Variants in DIAPH3 observed in about 807,000 individuals in gnomAD.
The protein encoded by DIAPH3 is diaphanous related formin 3.
A neutral mutation model predicts 144.3 loss-of-function variants in DIAPH3; 117 were observed. That is an observed-to-expected ratio of 0.81 (90% CI 0.70 to 0.95). The LOEUF (loss-of-function observed/expected upper bound fraction) is 0.95. Ranked by LOEUF, DIAPH3 falls within the 40% of genes least tolerant of loss-of-function variation. The pLI, the probability that DIAPH3 is intolerant of heterozygous loss-of-function variation, is 0.00. For missense variants in DIAPH3, 1,421 were observed against 1,412.7 expected (o/e 1.01, Z -0.09); for synonymous variants, 519 against 488.9 (o/e 1.06, Z -0.81).
At chr13:59,985,055 T>C (rs1158883257) in intron 12 of DIAPH3, among the ~76,000 whole-genome samples, 2 of 136,204 alleles carry the variant, frequency 1.5e-5, no homozygotes, top group South Asian at 5.3e-4. Flanking sequence ...TTGATGAACA[T>C]TGATGCAAAA....
At chr13:59,714,282 C>T (rs759852699) in intron 27 of DIAPH3, among the ~76,000 whole-genome samples, 1,608 of 146,870 alleles carry the variant, frequency 0.011, 8 homozygotes, top group Non-Finnish European at 0.019. Context: ...ATGGCGTGAA[C>T]CCGGGAGGCG....
At chr13:59,898,593 A>G (rs1389101407) in intron 20 of DIAPH3, among the ~76,000 whole-genome samples, 1 of 152,236 alleles carries the variant, frequency 6.6e-6, no homozygotes, top group Non-Finnish European at 1.5e-5. Flanking sequence ...TTATTCATTC[A>G]TCAATATTTA....
intron 21 of DIAPH3, among the ~76,000 whole-genome samples, chr13:59,861,976 A>G (rs2043619639): frequency 6.6e-6 from 1 of 152,236 alleles, no homozygotes; most frequent in Non-Finnish European, 1.5e-5. Flanking sequence ...TAAAAAATAT[A>G]CGTATTTGCC....
intron 2 of DIAPH3, among the ~76,000 whole-genome samples, chr13:60,119,201 G>T (rs962145592): frequency 1.3e-5 from 2 of 152,184 alleles, no homozygotes; most frequent in Admixed American, 1.3e-4. Context: ...TATGCCAGCT[G>T]CCAGATCATG....
intron 24 of DIAPH3, among the ~76,000 whole-genome samples, chr13:59,830,201 CATTT>C (rs2041699148): frequency 6.6e-6 from 1 of 151,784 alleles, no homozygotes; most frequent in Non-Finnish European, 1.5e-5. Flanking sequence ...CAAAACGAGA[CATTT>C]ATTTGTCAGG....
chr13:59,792,708 T>C (rs953632848), intron 25 of DIAPH3, among the ~76,000 whole-genome samples: 3 of 152,218 alleles, frequency 2.0e-5, no homozygotes, highest in Admixed American at 6.5e-5. Context: ...ACTGTTTTCA[T>C]ATCCTTGACT....
In DIAPH3 at chr13:60,077,280, T is replaced by C. The variant is rs993015369; in HGVS notation, c.495+16348A>G. The stretch of plus-strand genomic sequence containing the variant: ...AAATCTAAATAGTGCAAAAATAAAA[T>C]GAGAACACTAGTTCTCATCTAACTT... On this transcript the variant is annotated intron_variant, in intron 4 of 27. Coordinates refer to ENST00000400324, the MANE Select transcript of DIAPH3 (RefSeq NM_001042517.2). Among the ~76,000 whole-genome samples the C allele has an allele frequency of 3.3e-5, 5 of 152,058 alleles. No individual in the cohort carries two copies. The South Asian group carries it at 1.0e-3, about 32-fold the overall frequency.
rs774926822 is a variant in DIAPH3 at position 60,015,960 on chromosome 13, T to G, written c.724A>C (p.Asn242His). 2 of 1,613,562 alleles carry G rather than the reference T, an allele frequency of 1.2e-6. No individual in the cohort carries two copies. Among genetic ancestry groups the G allele is most frequent in the Non-Finnish European group, 8.5e-7 (1 of 1,179,792 alleles). Residue 242 changes from asparagine (N) to histidine (H), a missense_variant, in exon 7 of 28, where the codon AAT (asparagine) becomes CAT (histidine). Transcript: ENST00000400324. Reference protein sequence around the residue: ...GKIQEKVVKKNQHKVIQCLKA... With the variant: ...GKIQEKVVKKHQHKVIQCLKA... Reference sequence around the variant, plus strand: ...AGACACTGTATGACTTTATGTTGATTTTTCTTTACAACTTTTTCTTGGCTG... The same window carrying G: ...AGACACTGTATGACTTTATGTTGATGTTTCTTTACAACTTTTTCTTGGCTG...
intron 4 of DIAPH3, among the ~76,000 whole-genome samples, chr13:60,067,978 A>T (rs2057040116): frequency 6.6e-6 from 1 of 152,148 alleles, no homozygotes. Flanking sequence ...GAATCATCTT[A>T]TATGATTTTC....
chr13:60,094,651 C>T (rs1174374157), intron 3 of DIAPH3, among the ~76,000 whole-genome samples: 1 of 152,158 alleles, frequency 6.6e-6, no homozygotes, highest in Non-Finnish European at 1.5e-5. Context: ...AAATTCAGGA[C>T]TTTGGATCAC....
At chr13:59,880,896 A>AGTCT (rs897418622) in intron 20 of DIAPH3, among the ~76,000 whole-genome samples, 5 of 151,094 alleles carry the variant, frequency 3.3e-5, no homozygotes, top group Non-Finnish European at 7.4e-5. Flanking sequence ...ATTAATAAGA[A>AGTCT]GTCTACTTTA....
rs146057001 is a variant in DIAPH3, at chr13:59,929,360, A to C, written c.2075-4490T>G. On this transcript the variant is annotated intron_variant, in intron 17 of 27. Transcript: ENST00000400324. Reference sequence around the variant, plus strand: ...TATAATTAACCATCTTTCTCAACTGATTTTAAGTTACACTTTGATCATATA... The same window carrying C: ...TATAATTAACCATCTTTCTCAACTGCTTTTAAGTTACACTTTGATCATATA... 9.0e-3 allele frequency among the ~76,000 whole-genome samples: 1,368 copies of C among 152,140 alleles called. 10 individuals are homozygous for C. The highest frequency in any genetic ancestry group is 0.013 in the Non-Finnish European group (909 of 67,986).
intron 27 of DIAPH3, among the ~76,000 whole-genome samples, chr13:59,762,053 T>C (rs916618084): frequency 6.3e-5 from 1 of 15,878 alleles, no homozygotes; most frequent in Non-Finnish European, 1.3e-4. Flanking sequence ...CGTCAGCATC[T>C]TTTTTTTTTT....
chr13:60,160,866 A>G (rs960637508), intron 1 of DIAPH3, among the ~76,000 whole-genome samples: 1 of 152,250 alleles, frequency 6.6e-6, no homozygotes, highest in Non-Finnish European at 1.5e-5. Context: ...AATTTCTACT[A>G]TTTATACTTA....
At chr13:60,032,300 G>C (rs556756544) in intron 5 of DIAPH3, among the ~76,000 whole-genome samples, 8 of 152,158 alleles carry the variant, frequency 5.3e-5, no homozygotes, top group East Asian at 3.9e-4. Context: ...GCCCCACTGG[G>C]GACTCTGTAA....
chr13:60,047,496 TAG>T (rs995829093), intron 4 of DIAPH3, among the ~76,000 whole-genome samples: 3 of 152,194 alleles, frequency 2.0e-5, no homozygotes, highest in Non-Finnish European at 2.9e-5. Flanking sequence ...ATCAGTGGAA[TAG>T]AGAGTCCAGA....
At chr13:59,981,705 A>G (rs747539187) in intron 13 of DIAPH3, among the ~76,000 whole-genome samples, 6 of 151,438 alleles carry the variant, frequency 4.0e-5, no homozygotes, top group Non-Finnish European at 7.4e-5. Flanking sequence ...AGAAGAATTT[A>G]TAATAAAAAA....
At chr13:60,068,123 T>C (rs1288219326) in intron 4 of DIAPH3, among the ~76,000 whole-genome samples, 1 of 152,206 alleles carries the variant, frequency 6.6e-6, no homozygotes, top group Non-Finnish European at 1.5e-5. Flanking sequence ...CCATCTCCTT[T>C]TGTTTCCAAT....
intron 9 of DIAPH3, among the ~76,000 whole-genome samples, chr13:59,995,324 G>A (rs1327457148): frequency 6.6e-6 from 1 of 151,892 alleles, no homozygotes; most frequent in Non-Finnish European, 1.5e-5. Context: ...TTCCAAAAAT[G>A]TAGCATATGA....
Sources: allele counts gnomAD v4.1 joint callset (sites outside exome capture counted in the v4.1 genomes callset), GRCh38; gene constraint gnomAD v4.1.1; transcripts MANE v1.5; gene names NCBI Gene and HGNC (gene_info 2026-07-23, HGNC 2026-07-21).